SMG6: variants seen among roughly 807,000 people sequenced by gnomAD.
SMG6 encodes telomerase-binding protein EST1A.
SMG6 carries 66 observed loss-of-function variants against 142.2 expected under a neutral mutation model. That is an observed-to-expected ratio of 0.46 (90% confidence interval 0.38 to 0.57). The LOEUF (loss-of-function observed/expected upper bound fraction) is 0.57, where lower values mean the gene tolerates loss of function less well. SMG6 is among the 20% of genes least tolerant of loss of function. The pLI, the probability that SMG6 is intolerant of heterozygous loss-of-function variation, is 0.00. For missense variants in SMG6, 1,793 were observed against 1,832.0 expected (o/e 0.98, Z 0.39); for synonymous variants, 779 against 702.4 (o/e 1.11, Z -1.72).
chr17:2,289,374 G>C (rs1238498375), intron 6 of SMG6, among the ~76,000 whole-genome samples: 1 of 151,990 alleles, frequency 6.6e-6, no homozygotes, highest in Non-Finnish European at 1.5e-5. Flanking sequence ...CTGGGCAACG[G>C]AGTGAGATCC....
intron 13 of SMG6, among the ~76,000 whole-genome samples, chr17:2,160,726 G>A (rs1047815006): frequency 5.3e-5 from 8 of 152,120 alleles, no homozygotes; most frequent in African/African-American, 1.9e-4. Context: ...AGCTACTCAA[G>A]GGACTGAGGT....
chr17:2,070,130 A>C (rs1225136142), intron 15 of SMG6, among the ~76,000 whole-genome samples: 1 of 152,072 alleles, frequency 6.6e-6, no homozygotes, highest in Non-Finnish European at 1.5e-5. Context: ...GTGGACTTTC[A>C]CATTTCTCAG....
rs2068527755 is a variant in SMG6, at chr17:2,085,277, A to G, written c.3534+448T>C. On this transcript the variant is annotated intron_variant, in intron 14 of 18. Coordinates refer to ENST00000263073, the MANE Select transcript of SMG6 (RefSeq NM_017575.5). The surrounding 1 kb of genome is among the most constrained non-coding windows in gnomAD (Gnocchi z 4.1). ...GATGTGCAGGAGGGAGGGAGGGAAC[A>G]AGGGAGGGAGGGTAGGGCAGGGGAG... Among the ~76,000 whole-genome samples the G allele has an allele frequency of 6.9e-6, 1 of 145,910 alleles. No homozygotes were observed. Among genetic ancestry groups the G allele is most frequent in the Non-Finnish European group, 1.5e-5 (1 of 66,024 alleles).
At position 2,186,743 on chromosome 17, in the gene SMG6, A is replaced by G. The variant is rs755076430; in HGVS notation, c.3075T>C (p.Ser1025=). The G allele has an allele frequency of 2.5e-6, 4 of 1,614,086 alleles. No individual in the cohort carries two copies. ...FVPDLKELLP[S]VKVWSDWMLG... The stretch of plus-strand genomic sequence containing the variant: ...GCATCCAATCTGACCAGACTTTGAC[A>G]CTGGGGAGCAGCTCCTTCAGGTCCG... The change falls in exon 12 of 19, where the codon AGT becomes AGC. Residue 1025 remains serine (S), a synonymous_variant. Transcript: ENST00000263073.
rs1012318942 is a variant in SMG6 at position 2,068,331 on chromosome 17, A to C, written c.3835+447T>G. On this transcript the variant is annotated intron_variant, in intron 16 of 18. Coordinates refer to ENST00000263073, the MANE Select transcript of SMG6 (RefSeq NM_017575.5). This position sits in a 1 kb window ranked among gnomAD's most constrained non-coding sequence, Gnocchi z 6.7. Reference sequence around the variant, plus strand: ...GGCCAGAAGAATGCTACCTCGAACCAACAGAGTGATCATGAAAAGCTACAA... The same window carrying C: ...GGCCAGAAGAATGCTACCTCGAACCCACAGAGTGATCATGAAAAGCTACAA... Among the ~76,000 whole-genome samples, 1 of 152,194 alleles carries C rather than the reference A, an allele frequency of 6.6e-6. No homozygotes were observed. The highest frequency in any genetic ancestry group is 1.5e-5 in the Non-Finnish European group (1 of 68,040).
At position 2,061,619 on chromosome 17, in the gene SMG6, T is replaced by G; in HGVS notation, c.4133A>C (p.Glu1378Ala). 1 of 1,571,202 alleles carries G rather than the reference T, an allele frequency of 6.4e-7. No individual in the cohort carries two copies. Among genetic ancestry groups the G allele is most frequent in the Non-Finnish European group, 8.6e-7 (1 of 1,157,970 alleles). The change falls in exon 19 of 19, where the codon GAG becomes GCG. Residue 1378 changes from glutamate (E) to alanine (A), a missense_variant. Coordinates refer to ENST00000263073, the MANE Select transcript of SMG6 (RefSeq NM_017575.5). ...AKDFMPASKE[E>A]PIRLLREVVL... ...CACCTCCCGCAGTAGCCGGATTGGC[T>G]CCTCTGTGGGCATGAGAGAGCAGAA...
intron 6 of SMG6, 145 bp downstream of exon 6, chr17:2,292,407 T>C: frequency 1.3e-6 from 1 of 771,564 alleles, no homozygotes; most frequent in Non-Finnish European, 2.1e-6. Flanking sequence ...ATTCTGAGAG[T>C]AACCGTAACA....
intron 12 of SMG6, among the ~76,000 whole-genome samples, chr17:2,183,995 C>T (rs2071889758): frequency 1.3e-5 from 2 of 152,164 alleles, no homozygotes. Context: ...ACAACACAGA[C>T]ATTCAGGAAC....
At chr17:2,153,585 C>A (rs998138663) in intron 13 of SMG6, among the ~76,000 whole-genome samples, 3 of 152,258 alleles carry the variant, frequency 2.0e-5, no homozygotes, top group African/African-American at 7.2e-5. Flanking sequence ...ACTGGGGGAA[C>A]CTGGGGATGC....
chr17:2,302,889 TTAATCA>T, intron 1 of SMG6: 1 of 839,214 alleles, frequency 1.2e-6, no homozygotes, highest in Non-Finnish European at 1.4e-6. Flanking sequence ...TCCAATTATG[TTAATCA>T]ACAAAAACCA....
intron 8 of SMG6, among the ~76,000 whole-genome samples, chr17:2,267,889 A>G (rs1434628076): frequency 6.6e-6 from 1 of 151,580 alleles, no homozygotes; most frequent in Non-Finnish European, 1.5e-5. Context: ...ATGGGACTAC[A>G]GGCGCCTGCC....
intron 9 of SMG6, among the ~76,000 whole-genome samples, chr17:2,243,321 T>C (rs1409572783): frequency 6.6e-6 from 1 of 152,228 alleles, no homozygotes; most frequent in Non-Finnish European, 1.5e-5. Flanking sequence ...AACCAAGCCT[T>C]TCCGCTTCTC....
intron 8 of SMG6, among the ~76,000 whole-genome samples, chr17:2,260,331 C>T (rs564891467): frequency 2.0e-5 from 3 of 152,170 alleles, no homozygotes; most frequent in South Asian, 4.1e-4. Context: ...TTTCCCCCCC[C>T]ACAGCCAGAT....
chr17:2,141,506 A>C (rs998402728), intron 13 of SMG6, among the ~76,000 whole-genome samples: 1 of 152,180 alleles, frequency 6.6e-6, no homozygotes, highest in African/African-American at 2.4e-5. Context: ...CAGTGGCACA[A>C]TCACAGCTCA....
Position 2,188,532 on chromosome 17 carries a change from G to GA in SMG6, c.2870-18dup. ...AGAAGCAGTCTGCGGACAGGCAAAT[G>GA]AAACTCTCAGCGCCCCAGGCGGACA... is the stretch of plus-strand genomic sequence containing the variant. On this transcript the variant is annotated splice_polypyrimidine_tract_variant and intron_variant, in intron 10 of 18. Coordinates refer to ENST00000263073, the MANE Select transcript of SMG6 (RefSeq NM_017575.5). 1 of 1,607,818 alleles carries GA rather than the reference G, an allele frequency of 6.2e-7. No homozygotes were observed. Among genetic ancestry groups the GA allele is most frequent in the Non-Finnish European group, 8.5e-7 (1 of 1,175,338 alleles).
intron 13 of SMG6, among the ~76,000 whole-genome samples, chr17:2,123,826 C>A (rs1250428180): frequency 6.6e-6 from 1 of 152,182 alleles, no homozygotes; most frequent in Non-Finnish European, 1.5e-5. Flanking sequence ...GGGAAGGTGA[C>A]AATTCATTCT....
At chr17:2,144,538 T>C (rs1281174832) in intron 13 of SMG6, among the ~76,000 whole-genome samples, 1 of 151,676 alleles carries the variant, frequency 6.6e-6, no homozygotes, top group Non-Finnish European at 1.5e-5. Context: ...GGTAGCTTTT[T>C]TGGGAATGAT....
chr17:2,218,479 G>C (rs1422620701), intron 10 of SMG6, among the ~76,000 whole-genome samples: 2 of 152,164 alleles, frequency 1.3e-5, no homozygotes, highest in Non-Finnish European at 2.9e-5. Context: ...CCCAGGGGCA[G>C]AGCTTGCAGT....
chr17:2,166,024 C>G (rs538766422), intron 13 of SMG6, among the ~76,000 whole-genome samples: 1 of 152,044 alleles, frequency 6.6e-6, no homozygotes, highest in East Asian at 1.9e-4. Context: ...CCAGCCTGGC[C>G]GACATAGCAA....
Sources: allele counts gnomAD v4.1 joint callset (sites outside exome capture counted in the v4.1 genomes callset), GRCh38; gene constraint gnomAD v4.1.1; non-coding constraint Gnocchi (gnomAD v3.1); transcripts MANE v1.5; gene names NCBI Gene and HGNC (gene_info 2026-07-23, HGNC 2026-07-21).